Variants in CNTNAP3 observed in about 807,000 individuals in gnomAD.
The protein encoded by CNTNAP3 is contactin associated protein family member 3, also known as contactin-associated protein-like 3.
CNTNAP3 carries 36 observed loss-of-function variants against 92.1 expected under a neutral mutation model. That is an observed-to-expected ratio of 0.39 (90% CI 0.30 to 0.52). The LOEUF (loss-of-function observed/expected upper bound fraction) is 0.52. Among genes scored for constraint, CNTNAP3 ranks in the 20% least tolerant of loss-of-function variants. The pLI is 0.76. For synonymous variants in CNTNAP3, 232 were observed against 422.3 expected, an observed-to-expected ratio of 0.55 and a Z score of 5.53; for missense variants, 534 against 1,069.6, an observed-to-expected ratio of 0.50 and a Z score of 6.98.
At chr9:39,162,673 G>A (rs1027329691) in intron 9 of CNTNAP3, among the ~76,000 whole-genome samples, 1 of 122,434 alleles carries the variant, frequency 8.2e-6, no homozygotes, top group African/African-American at 3.5e-5. Flanking sequence ...TAGCAACATG[G>A]ATGGAGCTGG....
chr9:39,142,441 G>A (rs1317685958), intron 11 of CNTNAP3, among the ~76,000 whole-genome samples: 1 of 152,134 alleles, frequency 6.6e-6, no homozygotes, highest in Non-Finnish European at 1.5e-5. Flanking sequence ...GGAAGTCCAA[G>A]GCAGGTGGAT....
rs1458008606 is a variant in CNTNAP3, at chr9:39,120,532, T to G, written c.2081-2273A>C. On this transcript the variant is annotated intron_variant, in intron 13 of 23. Coordinates refer to ENST00000297668, the MANE Select transcript of CNTNAP3 (RefSeq NM_033655.5). ...TAAAAATACAAAAAATAGACGAGCG[T>G]AGTGGCGGGAGCCTGTAGTCCCAGC... Among the ~76,000 whole-genome samples the G allele has an allele frequency of 5.9e-5, 9 of 151,984 alleles. 1 individual carries two copies. The South Asian group carries it at 1.5e-3, about 25-fold the overall frequency.
chr9:39,129,865 G>A (rs1821234760), intron 13 of CNTNAP3, among the ~76,000 whole-genome samples: 1 of 152,040 alleles, frequency 6.6e-6, no homozygotes, highest in Admixed American at 6.5e-5. Context: ...CACTGAAAAC[G>A]ATATACAGAT....
intron 15 of CNTNAP3, among the ~76,000 whole-genome samples, chr9:39,107,649 A>T (rs953635228): frequency 6.6e-6 from 1 of 152,198 alleles, no homozygotes; most frequent in Non-Finnish European, 1.5e-5. Context: ...AGCTGATAAC[A>T]AATTACTGAC....
At chr9:39,123,091 AT>A (rs773238134) in intron 13 of CNTNAP3, among the ~76,000 whole-genome samples, 4,980 of 129,778 alleles carry the variant, frequency 0.038, 57 homozygotes, top group Non-Finnish European at 0.046. Flanking sequence ...TTGGACAATA[AT>A]TTTTTTTTTT....
chr9:39,091,917 A>G (rs1263576984), intron 18 of CNTNAP3, among the ~76,000 whole-genome samples: 2 of 151,894 alleles, frequency 1.3e-5, no homozygotes, highest in African/African-American at 4.8e-5. Flanking sequence ...TTATTGTTAT[A>G]GGCCAATTTA....
chr9:39,129,023 A>G (rs992301668), intron 13 of CNTNAP3, among the ~76,000 whole-genome samples: 2 of 152,134 alleles, frequency 1.3e-5, no homozygotes, highest in African/African-American at 4.8e-5. Flanking sequence ...AAGATATCTC[A>G]TGTTCATGGA....
At chr9:39,142,946 A>G (rs1369069117) in intron 11 of CNTNAP3, among the ~76,000 whole-genome samples, 1 of 152,088 alleles carries the variant, frequency 6.6e-6, no homozygotes, top group Non-Finnish European at 1.5e-5. Flanking sequence ...TTAGGAACTC[A>G]GGATGAGCAA....
chr9:39,081,588 C>T (rs2990041), intron 21 of CNTNAP3, among the ~76,000 whole-genome samples: 29,917 of 145,036 alleles, frequency 0.21, 3,361 homozygotes, highest in East Asian at 0.34. Context: ...ATTTGAAATA[C>T]TGGCACTTGA....
intron 21 of CNTNAP3, among the ~76,000 whole-genome samples, chr9:39,079,223 C>T (rs141243488): frequency 0.022 from 3,376 of 152,184 alleles, 135 homozygotes; most frequent in African/African-American, 0.075. Flanking sequence ...AAGAAATCCT[C>T]TGCCATTTAA....
chr9:39,111,322 C>A (rs920144842), intron 14 of CNTNAP3, among the ~76,000 whole-genome samples: 4 of 152,102 alleles, frequency 2.6e-5, no homozygotes, highest in Non-Finnish European at 2.9e-5. Context: ...TTATAAAAGA[C>A]TTTAGGTATC....
rs1323398661 is a variant in CNTNAP3 at position 39,070,580 on chromosome 9, A to T, written c.*3310T>A. ...GGGATAGGTTAATGGGTACAAAAAA[A>T]GTAGAAAGAATGAGTAAAACTTACT... is the stretch of plus-strand genomic sequence containing the variant. On this transcript the variant is annotated 3_prime_UTR_variant, in exon 24 of 24. Transcript: ENST00000297668. Among the ~76,000 whole-genome samples, 3 of 151,212 alleles carry T rather than the reference A, an allele frequency of 2.0e-5. No homozygotes were observed. Among genetic ancestry groups the T allele is most frequent in the South Asian group, 2.1e-4 (1 of 4,760 alleles).
intron 13 of CNTNAP3, among the ~76,000 whole-genome samples, chr9:39,124,216 G>A (rs1385090014): frequency 1.3e-5 from 2 of 152,136 alleles, no homozygotes; most frequent in Non-Finnish European, 2.9e-5. Context: ...AGTGTTGTTT[G>A]AAAGTAGATT....
chr9:39,109,860 T>A (rs1463217415), intron 14 of CNTNAP3, among the ~76,000 whole-genome samples: 1 of 152,134 alleles, frequency 6.6e-6, no homozygotes, highest in African/African-American at 2.4e-5. Flanking sequence ...AATATCTAAG[T>A]GATTATTCAT....
At position 39,067,217 on chromosome 9, in the gene CNTNAP3, C is replaced by T. The variant is rs1825528195; in HGVS notation, c.*6673G>A. Among the ~76,000 whole-genome samples, 1 of 152,310 alleles carries T rather than the reference C, an allele frequency of 6.6e-6. No homozygotes were observed. Among genetic ancestry groups the T allele is most frequent in the African/African-American group, 2.4e-5 (1 of 41,486 alleles). On this transcript the variant is annotated 3_prime_UTR_variant, in exon 24 of 24. Coordinates refer to ENST00000297668, the MANE Select transcript of CNTNAP3 (RefSeq NM_033655.5). ...GTTTAATTAAAGCCTTTTCTTGTCA[C>T]ATCCTAATCTTTGAAAATACGGAAT...
intron 16 of CNTNAP3, 78 bp downstream of exon 16, chr9:39,103,666 T>C: frequency 1.4e-6 from 2 of 1,407,252 alleles, no homozygotes; most frequent in Non-Finnish European, 1.9e-6. Context: ...AAGAATGAAA[T>C]ACTAACATTT....
At chr9:39,100,625 T>C (rs895302397) in intron 17 of CNTNAP3, among the ~76,000 whole-genome samples, 1 of 151,950 alleles carries the variant, frequency 6.6e-6, no homozygotes, top group African/African-American at 2.4e-5. Context: ...CTTACTTGGA[T>C]GGACTCTAAA....
chr9:39,143,652 C>CACTT (rs1288473985), intron 11 of CNTNAP3, among the ~76,000 whole-genome samples: 1 of 152,140 alleles, frequency 6.6e-6, no homozygotes, highest in African/African-American at 2.4e-5. Flanking sequence ...AATACTTTTA[C>CACTT]ACTTATTCAC....
chr9:39,248,579 C>CT (rs1216467302), intron 2 of CNTNAP3, among the ~76,000 whole-genome samples: 1,328 of 10,638 alleles, frequency 0.12, 258 homozygotes, highest in Middle Eastern at 0.17. Context: ...TTTGCATTTA[C>CT]TTTTTTTTTT....
Sources: allele counts gnomAD v4.1 joint callset (sites outside exome capture counted in the v4.1 genomes callset), GRCh38; gene constraint gnomAD v4.1.1; transcripts MANE v1.5; gene names NCBI Gene and HGNC (gene_info 2026-07-23, HGNC 2026-07-21).